Variants in NR3C2 observed in about 807,000 individuals in gnomAD.
The protein encoded by NR3C2 is nuclear receptor subfamily 3 group C member 2, also known as mineralocorticoid receptor.
A neutral mutation model predicts 86.4 loss-of-function variants in NR3C2; 15 were observed. The ratio of observed to expected loss-of-function variants is 0.17; its 90% confidence interval spans 0.12 to 0.27. The LOEUF is 0.27. NR3C2 is among the 10% of genes least tolerant of loss of function. The pLI is 1.00. For missense variants in NR3C2, 960 were observed against 1,195.6 expected, an observed-to-expected ratio of 0.80 and a Z score of 2.91; for synonymous variants, 458 against 450.5, an observed-to-expected ratio of 1.02 and a Z score of -0.21.
At chr4:148,163,305 T>G (rs541718403) in intron 4 of NR3C2, among the ~76,000 whole-genome samples, 2 of 152,308 alleles carry the variant, frequency 1.3e-5, no homozygotes, top group Admixed American at 1.3e-4. Flanking sequence ...TGAAATGAGT[T>G]ATTGAGATCT....
At chr4:148,215,099 A>G (rs61758912) in intron 3 of NR3C2, among the ~76,000 whole-genome samples, 3 of 152,208 alleles carry the variant, frequency 2.0e-5, no homozygotes, top group Non-Finnish European at 4.4e-5. Context: ...CTTTATGCCT[A>G]AGCATGAAAA....
intron 2 of NR3C2, among the ~76,000 whole-genome samples, chr4:148,405,532 T>C (rs1461646362): frequency 6.6e-6 from 1 of 152,200 alleles, no homozygotes; most frequent in Non-Finnish European, 1.5e-5. Context: ...AAAATTCCAC[T>C]GCAACAAGGA....
chr4:148,145,257 A>G (rs1414003015), intron 6 of NR3C2, among the ~76,000 whole-genome samples: 1 of 152,166 alleles, frequency 6.6e-6, no homozygotes, highest in Non-Finnish European at 1.5e-5. Context: ...ACCTTAAGTG[A>G]GCATGCATAG....
intron 3 of NR3C2, among the ~76,000 whole-genome samples, chr4:148,238,248 C>T (rs1296684936): frequency 6.6e-6 from 1 of 152,096 alleles, no homozygotes; most frequent in Non-Finnish European, 1.5e-5. Context: ...AACAATGTTT[C>T]CCTGAGCTAT....
At chr4:148,123,149 C>T (rs900678691) in intron 6 of NR3C2, among the ~76,000 whole-genome samples, 7 of 152,108 alleles carry the variant, frequency 4.6e-5, no homozygotes, top group East Asian at 3.8e-4. Context: ...ATGTCTTATG[C>T]GGTTGAGATA....
intron 4 of NR3C2, among the ~76,000 whole-genome samples, chr4:148,160,327 C>A (rs914059492): frequency 6.6e-6 from 1 of 152,134 alleles, no homozygotes; most frequent in African/African-American, 2.4e-5. Flanking sequence ...TGACAGATTT[C>A]TAATGAGATC....
At chr4:148,316,595 A>G (rs1371639055) in intron 2 of NR3C2, among the ~76,000 whole-genome samples, 1 of 152,132 alleles carries the variant, frequency 6.6e-6, no homozygotes, top group Non-Finnish European at 1.5e-5. Flanking sequence ...TCTCTTTGCA[A>G]TTTCTTTTAA....
intron 2 of NR3C2, among the ~76,000 whole-genome samples, chr4:148,433,510 C>T (rs1407063255): frequency 6.6e-6 from 1 of 152,066 alleles, no homozygotes; most frequent in Non-Finnish European, 1.5e-5. Flanking sequence ...AAAACAATTT[C>T]ATAATAGCAA....
intron 2 of NR3C2, among the ~76,000 whole-genome samples, chr4:148,341,145 C>T (rs1744727367): frequency 1.3e-5 from 2 of 152,136 alleles, no homozygotes; most frequent in South Asian, 4.1e-4. Context: ...TATCTGCACT[C>T]CCATATTTAT....
intron 4 of NR3C2, among the ~76,000 whole-genome samples, chr4:148,189,932 T>C (rs1434517246): frequency 2.0e-5 from 3 of 152,328 alleles, no homozygotes; most frequent in Non-Finnish European, 2.9e-5. Flanking sequence ...TCTCTCTTCT[T>C]TTCTTGGTTA....
chr4:148,404,466 T>C (rs900623206), intron 2 of NR3C2, among the ~76,000 whole-genome samples: 3 of 152,056 alleles, frequency 2.0e-5, no homozygotes, highest in Admixed American at 1.3e-4. Context: ...GTGTTGTTTG[T>C]TTTTTGGGGG....
chr4:148,358,869 A>G (rs957374143), intron 2 of NR3C2, among the ~76,000 whole-genome samples: 1 of 152,166 alleles, frequency 6.6e-6, no homozygotes, highest in Non-Finnish European at 1.5e-5. Context: ...TACCAAGAAG[A>G]GTATTTCCAT....
intron 2 of NR3C2, among the ~76,000 whole-genome samples, chr4:148,405,143 T>A (rs1286027488): frequency 6.6e-6 from 1 of 152,182 alleles, no homozygotes; most frequent in Non-Finnish European, 1.5e-5. Context: ...GAAGAGCCAA[T>A]CGATGGAAAT....
At chr4:148,158,753 G>A (rs1001387598) in intron 4 of NR3C2, among the ~76,000 whole-genome samples, 1 of 152,176 alleles carries the variant, frequency 6.6e-6, no homozygotes, top group African/African-American at 2.4e-5. Flanking sequence ...TAAGGTCAAT[G>A]ATAGGAAATG....
intron 2 of NR3C2, among the ~76,000 whole-genome samples, chr4:148,275,453 A>C (rs998163751): frequency 6.6e-6 from 1 of 151,338 alleles, no homozygotes; most frequent in Non-Finnish European, 1.5e-5. Flanking sequence ...TTTTTGAGAC[A>C]GAGTTTCACT....
At chr4:148,347,980 A>G (rs1165202042) in intron 2 of NR3C2, among the ~76,000 whole-genome samples, 1 of 152,158 alleles carries the variant, frequency 6.6e-6, no homozygotes, top group Non-Finnish European at 1.5e-5. Flanking sequence ...AAGGCAAAGA[A>G]AGAGAATACA....
intron 6 of NR3C2, among the ~76,000 whole-genome samples, chr4:148,135,780 G>C (rs1489061883): frequency 6.6e-6 from 1 of 151,912 alleles, no homozygotes; most frequent in African/African-American, 2.4e-5. Context: ...AAAACGGCCG[G>C]GCGCGGTGGC....
At chr4:148,341,491 G>C (rs1744747601) in intron 2 of NR3C2, among the ~76,000 whole-genome samples, 1 of 152,102 alleles carries the variant, frequency 6.6e-6, no homozygotes, top group Non-Finnish European at 1.5e-5. Flanking sequence ...GTTGGTTAAT[G>C]AGTACAAATA....
At chr4:148,326,046 G>A (rs1432761813) in intron 2 of NR3C2, among the ~76,000 whole-genome samples, 1 of 152,100 alleles carries the variant, frequency 6.6e-6, no homozygotes, top group Non-Finnish European at 1.5e-5. Flanking sequence ...AATTCAACCA[G>A]CAAGATCAAT....
Sources: allele counts gnomAD v4.1 joint callset (sites outside exome capture counted in the v4.1 genomes callset), GRCh38; gene constraint gnomAD v4.1.1; transcripts MANE v1.5; gene names NCBI Gene and HGNC (gene_info 2026-07-23, HGNC 2026-07-21).